ATP10D: variants seen among roughly 807,000 people sequenced by gnomAD.
ATP10D encodes ATPase phospholipid transporting 10D (putative).
ATP10D carries 89 observed loss-of-function variants against 144.8 expected under a neutral mutation model. The observed-to-expected ratio is 0.61, with a 90% CI of 0.52 to 0.73. ATP10D has a LOEUF of 0.73. Among genes scored for constraint, ATP10D ranks in the 30% least tolerant of loss-of-function variants. ATP10D has a pLI of 0.00. For missense variants in ATP10D, 1,603 were observed against 1,714.8 expected (o/e 0.93, Z 1.15); for synonymous variants, 571 against 615.1 (o/e 0.93, Z 1.06).
At chr4:47,564,097 G>A (rs1349503890) in intron 15 of ATP10D, among the ~76,000 whole-genome samples, 1 of 152,080 alleles carries the variant, frequency 6.6e-6, no homozygotes, top group African/African-American at 2.4e-5. Context: ...TCACCTTGTT[G>A]GCCAGGCTGA....
chr4:47,566,910 T>C (rs1231163053), intron 15 of ATP10D, among the ~76,000 whole-genome samples: 1 of 152,068 alleles, frequency 6.6e-6, no homozygotes, highest in Non-Finnish European at 1.5e-5. Context: ...ATGGGTAAGT[T>C]CCCCCCATAG....
chr4:47,588,958 A>G (rs939256115), intron 22 of ATP10D, among the ~76,000 whole-genome samples: 1 of 152,212 alleles, frequency 6.6e-6, no homozygotes, highest in African/African-American at 2.4e-5. Context: ...GTGGCAAGAA[A>G]AGAACTTTGC....
At chr4:47,570,138 T>C (rs1719873956) in intron 16 of ATP10D, among the ~76,000 whole-genome samples, 1 of 152,078 alleles carries the variant, frequency 6.6e-6, no homozygotes, top group Non-Finnish European at 1.5e-5. Context: ...ATGAAATCAG[T>C]TGGAATAATT....
intron 1 of ATP10D, among the ~76,000 whole-genome samples, chr4:47,490,398 A>C (rs984670158): frequency 2.0e-5 from 3 of 152,236 alleles, no homozygotes; most frequent in African/African-American, 7.2e-5. Flanking sequence ...AGGACTAAGA[A>C]AAAAGTGAAA....
chr4:47,533,634 A>C (rs915658681), intron 5 of ATP10D, among the ~76,000 whole-genome samples: 55 of 152,226 alleles, frequency 3.6e-4, no homozygotes, highest in Non-Finnish European at 2.6e-4. Context: ...ACAGTTTCAA[A>C]ATATGTGAAA....
rs1386456266 is a variant in ATP10D at position 47,590,975 on chromosome 4, T to TTGG, written c.3942-66_3942-64dup. ...TTTTACTTTTTTAATTCGTTAGTAT[T>TTGG]TGGGGGGGGGGGTTCTGTAATGCAT... On this transcript the variant is annotated intron_variant, in intron 22 of 22. Coordinates refer to ENST00000273859, the MANE Select transcript of ATP10D (RefSeq NM_020453.4). The TTGG allele has an allele frequency of 1.2e-4, 126 of 1,051,382 alleles. 1 individual carries two copies. The highest frequency in any genetic ancestry group is 1.5e-4 in the Non-Finnish European group (116 of 769,000). The allele number at this position is 1,051,382 out of a possible 1,614,324, so 65.1% of individuals were successfully genotyped here.
At chr4:47,562,351 C>T (rs6837171) in intron 14 of ATP10D, among the ~76,000 whole-genome samples, 110,060 of 152,094 alleles carry the variant, frequency 0.72, 41,187 homozygotes, top group East Asian at 0.99. Context: ...CTGGCAGGAG[C>T]ATTCTTTAAA....
chr4:47,508,226 T>C (rs867181085), intron 1 of ATP10D, among the ~76,000 whole-genome samples: 23 of 152,222 alleles, frequency 1.5e-4, no homozygotes, highest in African/African-American at 4.6e-4. Context: ...GGTCACTTTA[T>C]GTCATGCCTG....
At position 47,533,847 on chromosome 4, in the gene ATP10D, C is replaced by A. The variant is rs192194763; in HGVS notation, c.777-1662C>A. Reference sequence around the variant, plus strand: ...TTCCACTTCCACTTCCTTTCCTACCCCTCCACTGTGTAATTTCACTGTAAA... The same window carrying A: ...TTCCACTTCCACTTCCTTTCCTACCACTCCACTGTGTAATTTCACTGTAAA... On this transcript the variant is annotated intron_variant, in intron 5 of 22. Coordinates refer to ENST00000273859, the MANE Select transcript of ATP10D (RefSeq NM_020453.4). Among the ~76,000 whole-genome samples, 8 of 152,258 alleles carry A rather than the reference C, an allele frequency of 5.3e-5. No individual in the cohort carries two copies. In the East Asian group the frequency reaches 1.4e-3, roughly 26 times the overall value.
chr4:47,547,833 C>T (rs1436794400), intron 10 of ATP10D, among the ~76,000 whole-genome samples: 4 of 152,132 alleles, frequency 2.6e-5, no homozygotes, highest in African/African-American at 9.7e-5. Context: ...ATAATTACAG[C>T]AACTGGAGTG....
Position 47,587,011 on chromosome 4 carries a change from T to C in ATP10D, c.3754-8T>C, listed in dbSNP as rs1277168333. 2 of 1,613,190 alleles carry C rather than the reference T, an allele frequency of 1.2e-6. No individual in the cohort carries two copies. Among genetic ancestry groups the C allele is most frequent in the East Asian group, 2.2e-5 (1 of 44,878 alleles). ...GCATTCATTTCCTCTGCTCTTCTTG[T>C]CTTACAGACTTGGATTCACTTGCTG... On this transcript the variant is annotated splice_polypyrimidine_tract_variant and splice_region_variant and intron_variant, in intron 21 of 22. Coordinates refer to ENST00000273859, the MANE Select transcript of ATP10D (RefSeq NM_020453.4).
At chr4:47,528,061 A>G (rs1025408289) in intron 5 of ATP10D, among the ~76,000 whole-genome samples, 5 of 152,176 alleles carry the variant, frequency 3.3e-5, no homozygotes, top group African/African-American at 9.6e-5. Flanking sequence ...TAACAGTGCG[A>G]TGGAAGGAAA....
intron 10 of ATP10D, among the ~76,000 whole-genome samples, chr4:47,551,582 T>C (rs1313074528): frequency 1.3e-5 from 2 of 152,248 alleles, no homozygotes; most frequent in African/African-American, 4.8e-5. Flanking sequence ...CAATACACTT[T>C]TATTGCTTAC....
At position 47,555,004 on chromosome 4, in the gene ATP10D, A is replaced by G; in HGVS notation, c.1824+90A>G. On this transcript the variant is annotated intron_variant, in intron 11 of 22. Transcript: ENST00000273859. ...TCTGTACTGAGCTTGATATATGGAT[A>G]AAAATGATAAATAATAGTAGCTGTA... is the stretch of plus-strand genomic sequence containing the variant. 10 of 1,073,320 alleles carry G rather than the reference A, an allele frequency of 9.3e-6. No homozygotes were observed. In the South Asian group the frequency reaches 1.5e-4, roughly 16 times the overall value. 66.5% of individuals were successfully genotyped at this position (1,073,320 alleles called of 1,614,324 possible). A position where few individuals can be genotyped will look rare whatever the true frequency, so the allele number is the denominator to read the frequency against.
At chr4:47,497,764 G>T (rs1273103018) in intron 1 of ATP10D, among the ~76,000 whole-genome samples, 1 of 152,176 alleles carries the variant, frequency 6.6e-6, no homozygotes, top group Non-Finnish European at 1.5e-5. Context: ...GCAAACAGCA[G>T]GATTATTGTA....
At chr4:47,564,027 G>A (rs1719464321) in intron 15 of ATP10D, among the ~76,000 whole-genome samples, 1 of 152,142 alleles carries the variant, frequency 6.6e-6, no homozygotes, top group African/African-American at 2.4e-5. Context: ...AAGTAGCTGG[G>A]ATTACAGGCA....
chr4:47,519,917 AT>A (rs1716860554), intron 3 of ATP10D, among the ~76,000 whole-genome samples: 1 of 152,186 alleles, frequency 6.6e-6, no homozygotes, highest in African/African-American at 2.4e-5. Context: ...GGATATTAAT[AT>A]CGGTATATGT....
chr4:47,488,172 T>A lies in ATP10D; in HGVS notation c.-38+2653T>A, dbSNP rs186643738. Among the ~76,000 whole-genome samples the A allele has an allele frequency of 5.3e-3, 803 of 152,244 alleles. 2 individuals are homozygous for A. Among genetic ancestry groups the A allele is most frequent in the Non-Finnish European group, 8.2e-3 (559 of 68,004 alleles). On this transcript the variant is annotated intron_variant, in intron 1 of 22. Transcript: ENST00000273859. ...TAAATAAATTAGTGTAGTTTATGTA[T>A]CTATATTGATAAAACTCAGTTACAA...
rs764289473 is a variant in ATP10D at position 47,536,707 on chromosome 4, T to C, written c.1165T>C (p.Tyr389His). The C allele has an allele frequency of 6.2e-7, 1 of 1,610,822 alleles. No individual in the cohort carries two copies. The highest frequency in any genetic ancestry group is 1.7e-5 in the Admixed American group (1 of 59,524). The change falls in exon 9 of 23, where the codon TAT becomes CAT. Residue 389 changes from tyrosine (Y) to histidine (H), a missense_variant. Transcript: ENST00000273859. Reference sequence around the variant, plus strand: ...TTAGGTCTTGATTCCTATTTCTCTCTATGTTTCCATCGAAATTGTGAAGCT... The same window carrying C: ...TTAGGTCTTGATTCCTATTTCTCTCCATGTTTCCATCGAAATTGTGAAGCT... ...LLQVLIPISL[Y>H]VSIEIVKLGQ...
Sources: allele counts gnomAD v4.1 joint callset (sites outside exome capture counted in the v4.1 genomes callset), GRCh38; gene constraint gnomAD v4.1.1; transcripts MANE v1.5; gene names NCBI Gene and HGNC (gene_info 2026-07-23, HGNC 2026-07-21).